Variants in ZNF148 observed in about 807,000 individuals in gnomAD.
The protein encoded by ZNF148 is Beta-Enolase Repressor Factor-1.
Under a neutral mutation model 67.7 loss-of-function variants are expected in ZNF148, and 7 were observed. The ratio of observed to expected loss-of-function variants is 0.10; its 90% CI spans 0.06 to 0.19. The LOEUF (loss-of-function observed/expected upper bound fraction) is 0.19, where lower values mean the gene tolerates loss of function less well. Among genes scored for constraint, ZNF148 ranks in the 10% least tolerant of loss-of-function variants. ZNF148 has a pLI of 1.00. For missense variants in ZNF148, 583 were observed against 947.1 expected, an observed-to-expected ratio of 0.62 and a Z score of 5.05; for synonymous variants, 333 against 330.7, an observed-to-expected ratio of 1.01 and a Z score of -0.08.
intron 4 of ZNF148, among the ~76,000 whole-genome samples, chr3:125,310,011 G>A (rs1377061517): frequency 6.7e-6 from 1 of 149,626 alleles, no homozygotes; most frequent in African/African-American, 2.5e-5. Context: ...ATGGTAGCTA[G>A]AAAATATCTC....
At chr3:125,367,517 A>G (rs1942738166) in intron 1 of ZNF148, among the ~76,000 whole-genome samples, 1 of 152,232 alleles carries the variant, frequency 6.6e-6, no homozygotes. Flanking sequence ...GCTAGTGCAT[A>G]TAGTTTGGCA....
Position 125,232,415 on chromosome 3 carries a change from A to C in ZNF148, c.2311T>G (p.Leu771Val), listed in dbSNP as rs745489895. The change falls in exon 9 of 9, where the codon TTG (leucine) becomes GTG (valine). Residue 771 changes from leucine to valine, a missense_variant. Physicochemically the swap from Leu to Val is conservative, Grantham distance 32. Around this residue, in one of 5 missense-constraint regions of ZNF148, gnomAD observed 158 missense variants for 208.4 expected, o/e 0.76. Transcript: ENST00000360647. The surrounding 1 kb of genome is among the most constrained non-coding windows in gnomAD (Gnocchi z 4.2). Reference protein sequence around the residue: ...GTSAEFSEFPLVNVNDNRAGM... With the variant: ...GTSAEFSEFPVVNVNDNRAGM... ...GCTCTATTATCATTTACATTCACCA[A>C]GGGAAATTCTGAAAATTCAGCACTT... The C allele has an allele frequency of 1.2e-6, 2 of 1,613,300 alleles. No individual in the cohort carries two copies. The highest frequency in any genetic ancestry group is 1.7e-5 in the Admixed American group (1 of 59,862).
chr3:125,294,770 T>C (rs1269234693), intron 4 of ZNF148, among the ~76,000 whole-genome samples: 5 of 152,004 alleles, frequency 3.3e-5, no homozygotes. Context: ...CCCAGGAAGG[T>C]TGAGTTACTT....
intron 1 of ZNF148, among the ~76,000 whole-genome samples, chr3:125,342,533 G>A (rs1321473094): frequency 1.3e-5 from 2 of 151,624 alleles, no homozygotes; most frequent in African/African-American, 4.9e-5. Flanking sequence ...TATATCCAGT[G>A]AAACTGCCCT....
At position 125,331,206 on chromosome 3, in the gene ZNF148, T is replaced by G; in HGVS notation, c.-201A>C. The G allele has an allele frequency of 2.5e-6, 1 of 398,554 alleles. No homozygotes were observed. Among genetic ancestry groups the G allele is most frequent in the Admixed American group, 4.4e-5 (1 of 22,728 alleles). 24.7% of individuals were successfully genotyped at this position (398,554 alleles called of 1,614,324 possible). A position where few individuals can be genotyped will look rare whatever the true frequency, so the allele number is the denominator to read the frequency against. ...CGCCCATCCCGCCAGATCACGTGCT[T>G]GAATTTCCAAGCTGCTGATTCCTCC... is the stretch of plus-strand genomic sequence containing the variant. On this transcript the variant is annotated 5_prime_UTR_variant, in exon 2 of 9. Coordinates refer to ENST00000360647, the MANE Select transcript of ZNF148 (RefSeq NM_021964.3).
chr3:125,298,561 T>C (rs1338517294), intron 4 of ZNF148, among the ~76,000 whole-genome samples: 1 of 151,566 alleles, frequency 6.6e-6, no homozygotes, highest in Non-Finnish European at 1.5e-5. Flanking sequence ...TTCAAATGCA[T>C]ACAAATAGCA....
chr3:125,363,035 A>C (rs990391615), intron 1 of ZNF148, among the ~76,000 whole-genome samples: 1 of 152,112 alleles, frequency 6.6e-6, no homozygotes, highest in Non-Finnish European at 1.5e-5. Context: ...ATTCTCAGCC[A>C]CTGAGGGTCT....
chr3:125,234,622 G>C (rs908160374), intron 7 of ZNF148, among the ~76,000 whole-genome samples: 3 of 152,120 alleles, frequency 2.0e-5, no homozygotes, highest in African/African-American at 7.2e-5. Context: ...CAGACTAGCT[G>C]ATGTTTCTAA....
At chr3:125,267,128 A>C (rs1387223450) in intron 7 of ZNF148, among the ~76,000 whole-genome samples, 6 of 151,892 alleles carry the variant, frequency 4.0e-5, no homozygotes, top group Non-Finnish European at 8.8e-5. Context: ...AATTCTACCA[A>C]ATGTACAAAA....
At chr3:125,279,074 C>A in intron 6 of ZNF148, 50 bp downstream of exon 6, 2 of 1,508,920 alleles carry the variant, frequency 1.3e-6, no homozygotes, top group Non-Finnish European at 1.8e-6. Context: ...ATGAAAATAA[C>A]AAAGATAATA....
At position 125,273,722 on chromosome 3, in the gene ZNF148, C is replaced by T. The variant is rs189166330; in HGVS notation, c.667+4004G>A. Among the ~76,000 whole-genome samples the T allele has an allele frequency of 3.3e-5, 5 of 152,126 alleles. No homozygotes were observed. The East Asian group carries it at 9.7e-4, about 29-fold the overall frequency. Reference sequence around the variant, plus strand: ...TTCTCAAACTCCTGACCTCGTGATCCGCCTGCCGTGGCCTCCCAAAGTGCT... The same window carrying T: ...TTCTCAAACTCCTGACCTCGTGATCTGCCTGCCGTGGCCTCCCAAAGTGCT... On this transcript the variant is annotated intron_variant, in intron 7 of 8. Transcript: ENST00000360647.
intron 7 of ZNF148, among the ~76,000 whole-genome samples, chr3:125,235,366 C>T (rs917947599): frequency 3.9e-5 from 6 of 152,184 alleles, no homozygotes; most frequent in Non-Finnish European, 8.8e-5. Context: ...CACTCTTTCT[C>T]TTGGTAACCC....
chr3:125,272,836 C>CA (rs747461972), intron 7 of ZNF148, among the ~76,000 whole-genome samples: 127 of 152,272 alleles, frequency 8.3e-4, no homozygotes, highest in Non-Finnish European at 1.1e-3. Context: ...CAGAAAATGT[C>CA]AGTCCCAGCA....
intron 3 of ZNF148, 115 bp from the exon 4 acceptor site, chr3:125,313,771 C>T (rs1940349507): frequency 2.4e-6 from 2 of 825,268 alleles, no homozygotes; most frequent in East Asian, 2.7e-5. Context: ...TATTGATGTA[C>T]TTTGGAACTG....
chr3:125,304,384 A>G (rs1425984456), intron 4 of ZNF148, among the ~76,000 whole-genome samples: 1 of 152,070 alleles, frequency 6.6e-6, no homozygotes, highest in Non-Finnish European at 1.5e-5. Flanking sequence ...AGACCAGTGC[A>G]ATGTATCTAA....
intron 7 of ZNF148, among the ~76,000 whole-genome samples, chr3:125,273,033 T>C (rs1166814000): frequency 6.6e-6 from 1 of 152,190 alleles, no homozygotes; most frequent in East Asian, 1.9e-4. Flanking sequence ...ACATTTTCTT[T>C]CATAAGACTT....
intron 7 of ZNF148, among the ~76,000 whole-genome samples, chr3:125,272,102 G>A (rs1937775059): frequency 6.6e-6 from 1 of 152,104 alleles, no homozygotes; most frequent in African/African-American, 2.4e-5. Flanking sequence ...GCAACACATG[G>A]ATTACAAAGC....
intron 5 of ZNF148, among the ~76,000 whole-genome samples, chr3:125,286,949 C>T (rs1049777803): frequency 2.6e-5 from 4 of 152,100 alleles, no homozygotes; most frequent in Admixed American, 6.6e-5. Flanking sequence ...AAATATTTAA[C>T]CACCAACTAA....
intron 1 of ZNF148, among the ~76,000 whole-genome samples, chr3:125,366,430 C>G (rs1942705756): frequency 6.6e-6 from 1 of 152,218 alleles, no homozygotes; most frequent in Non-Finnish European, 1.5e-5. Flanking sequence ...ATACCTTATT[C>G]ATGAACTCTC....
Sources: allele counts gnomAD v4.1 joint callset (sites outside exome capture counted in the v4.1 genomes callset), GRCh38; gene constraint gnomAD v4.1.1; regional missense constraint gnomAD v4.1.1; non-coding constraint Gnocchi (gnomAD v3.1); transcripts MANE v1.5; gene names NCBI Gene and HGNC (gene_info 2026-07-23, HGNC 2026-07-21).